The following BLVRA variants were observed in gnomAD, a reference collection of about 807,000 sequenced individuals.
BLVRA encodes biliverdin reductase A, also known as BVR A.
A neutral mutation model predicts 32.8 loss-of-function variants in BLVRA; 22 were observed. That is an observed-to-expected ratio of 0.67 (90% CI 0.48 to 0.96). BLVRA has a LOEUF of 0.96. BLVRA is among the 40% of genes least tolerant of loss of function. The probability of loss-of-function intolerance (pLI) is 0.00; values close to 1 mark genes in which losing one functional copy is unlikely to be tolerated. For missense variants in BLVRA, 323 were observed against 358.1 expected (o/e 0.90, Z 0.79); for synonymous variants, 119 against 141.3 (o/e 0.84, Z 1.12).
chr7:43,805,530 A>T (rs556726522), intron 7 of BLVRA, among the ~76,000 whole-genome samples: 7 of 151,998 alleles, frequency 4.6e-5, no homozygotes, highest in African/African-American at 1.7e-4. Context: ...TGATCTGCTC[A>T]CCTTGGCCTC....
intron 2 of BLVRA, among the ~76,000 whole-genome samples, chr7:43,786,233 T>C (rs1179937833): frequency 6.6e-6 from 1 of 152,118 alleles, no homozygotes; most frequent in Non-Finnish European, 1.5e-5. Flanking sequence ...AAATTGGGAA[T>C]GGATTGTTAA....
chr7:43,767,183 G>A lies in BLVRA; in HGVS notation c.-21-3955G>A, dbSNP rs2095749177. ...TGTAGGAAAACAATAAAGTTCATAA[G>A]TAATGTTCTGTAGGCCACTTTTATA... On this transcript the variant is annotated intron_variant, in intron 1 of 7. Coordinates refer to ENST00000265523, the MANE Select transcript of BLVRA (RefSeq NM_000712.4). 3.4e-5 allele frequency: 19 copies of A among 563,172 alleles called. 1 individual carries two copies. The South Asian group carries it at 4.0e-4, about 12-fold the overall frequency. 34.9% of individuals were successfully genotyped at this position (563,172 alleles called of 1,614,324 possible).
intron 5 of BLVRA, 48 bp from the exon 6 acceptor site, chr7:43,800,417 T>C (rs369033111): frequency 1.9e-6 from 3 of 1,549,044 alleles, no homozygotes; most frequent in African/African-American, 2.7e-5. Context: ...GATGCACACC[T>C]AGACACAACT....
intron 1 of BLVRA, chr7:43,767,652 C>T (rs915007293): frequency 2.2e-4 from 153 of 706,222 alleles, no homozygotes; most frequent in South Asian, 2.1e-3. Flanking sequence ...ATGATAAATG[C>T]TGGAGGGGGG....
At chr7:43,771,243 T>C (rs2095754337) in intron 2 of BLVRA, 73 bp downstream of exon 2, 2 of 1,529,092 alleles carry the variant, frequency 1.3e-6, no homozygotes, top group African/African-American at 2.7e-5. Context: ...TTGCAGAGTC[T>C]CCATTCCCTT....
intron 1 of BLVRA, among the ~76,000 whole-genome samples, chr7:43,769,671 G>T (rs539439110): frequency 1.3e-5 from 2 of 151,294 alleles, no homozygotes; most frequent in Admixed American, 1.3e-4. Context: ...GCAGTGGCTC[G>T]ATCTTGGCTC....
At chr7:43,800,408 A>T in intron 5 of BLVRA, 57 bp from the exon 6 acceptor site, 16 of 1,487,976 alleles carry the variant, frequency 1.1e-5, no homozygotes, top group Non-Finnish European at 1.4e-5. Context: ...ACCCTCTGGG[A>T]TGCACACCTA....
At position 43,775,255 on chromosome 7, in the gene BLVRA, G is replaced by A. The variant is rs547787145; in HGVS notation, c.12+4085G>A. Among the ~76,000 whole-genome samples, 371 of 151,642 alleles carry A rather than the reference G, an allele frequency of 2.4e-3. 3 individuals carry two copies. Among genetic ancestry groups the A allele is most frequent in the African/African-American group, 8.5e-3 (348 of 41,094 alleles). On this transcript the variant is annotated intron_variant, in intron 2 of 7. Transcript: ENST00000265523. ...GAATGCTTCCAGTTTTTGCCCATTCGTTATGATATTGGCTGTGGGTTTGTC... is the reference window on the plus strand; with the variant it reads ...GAATGCTTCCAGTTTTTGCCCATTCATTATGATATTGGCTGTGGGTTTGTC...
chr7:43,798,498 G>A lies in BLVRA; in HGVS notation c.353-1967G>A, dbSNP rs149708324. On this transcript the variant is annotated intron_variant, in intron 5 of 7. Coordinates refer to ENST00000265523, the MANE Select transcript of BLVRA (RefSeq NM_000712.4). ...TTTTGTTTTTCTATTCAGTGCTGTT[G>A]TTACTTTTTATTATTCATATTGATG... Among the ~76,000 whole-genome samples, 623 of 152,212 alleles carry A rather than the reference G, an allele frequency of 4.1e-3. 6 individuals are homozygous for A. The highest frequency in any genetic ancestry group is 0.014 in the African/African-American group (583 of 41,532).
At chr7:43,803,196 G>C (rs2095800586) in intron 6 of BLVRA, among the ~76,000 whole-genome samples, 1 of 152,112 alleles carries the variant, frequency 6.6e-6, no homozygotes, top group Non-Finnish European at 1.5e-5. Context: ...TTACACATCA[G>C]GTAGTTATAA....
intron 5 of BLVRA, among the ~76,000 whole-genome samples, chr7:43,794,950 C>G (rs531089838): frequency 2.6e-5 from 4 of 152,144 alleles, no homozygotes; most frequent in African/African-American, 9.7e-5. Context: ...GTGGCTCATG[C>G]CTGTCATCCC....
At chr7:43,767,341 G>T in intron 1 of BLVRA, 1 of 1,588,168 alleles carries the variant, frequency 6.3e-7, no homozygotes. Context: ...TCCTAAGTTC[G>T]GAAAAGAAAG....
At chr7:43,782,128 T>C (rs1237892176) in intron 2 of BLVRA, among the ~76,000 whole-genome samples, 7 of 152,242 alleles carry the variant, frequency 4.6e-5, no homozygotes, top group Admixed American at 1.3e-4. Flanking sequence ...GGCATCTGAC[T>C]TGATGCCTCA....
intron 2 of BLVRA, among the ~76,000 whole-genome samples, chr7:43,775,048 A>G (rs2095759169): frequency 6.6e-6 from 1 of 152,150 alleles, no homozygotes; most frequent in South Asian, 2.1e-4. Flanking sequence ...GGCTGAGACA[A>G]TGGGGTTTTC....
chr7:43,786,067 C>T (rs186066803), intron 2 of BLVRA, among the ~76,000 whole-genome samples: 2 of 152,172 alleles, frequency 1.3e-5, no homozygotes, highest in Non-Finnish European at 2.9e-5. Flanking sequence ...ATTGTCTAAA[C>T]GTTTCAACTA....
intron 1 of BLVRA, among the ~76,000 whole-genome samples, chr7:43,762,969 C>T (rs7784876): frequency 1.3e-5 from 2 of 152,032 alleles, no homozygotes; most frequent in Non-Finnish European, 2.9e-5. Context: ...GGGGGGAAAA[C>T]GGTATGTGCC....
intron 5 of BLVRA, among the ~76,000 whole-genome samples, chr7:43,794,795 CTA>C (rs2095789919): frequency 6.6e-6 from 1 of 152,150 alleles, no homozygotes; most frequent in African/African-American, 2.4e-5. Flanking sequence ...AAAATACAAA[CTA>C]TGTTAATGGA....
At chr7:43,765,294 C>T (rs1412334444) in intron 1 of BLVRA, among the ~76,000 whole-genome samples, 2 of 152,108 alleles carry the variant, frequency 1.3e-5, no homozygotes, top group African/African-American at 4.8e-5. Flanking sequence ...CTCTGTTGCC[C>T]AAGCTGGAGT....
At chr7:43,773,058 A>C (rs1436437104) in intron 2 of BLVRA, among the ~76,000 whole-genome samples, 1 of 152,110 alleles carries the variant, frequency 6.6e-6, no homozygotes, top group Non-Finnish European at 1.5e-5. Context: ...CGATATTTCA[A>C]AATGCTTTCT....
Sources: gnomAD v4.1 joint callset for allele counts (sites outside exome capture counted in the v4.1 genomes callset) on GRCh38, gnomAD v4.1.1 for gene constraint, MANE v1.5 for transcripts, NCBI Gene and HGNC (gene_info 2026-07-23, HGNC 2026-07-21) for gene names.